AMDHD1: variants seen among roughly 807,000 people sequenced by gnomAD.
AMDHD1 encodes amidohydrolase domain containing 1.
A neutral mutation model predicts 44.1 loss-of-function variants in AMDHD1; 45 were observed. That is an observed-to-expected ratio of 1.02 (90% CI 0.80 to 1.31). The LOEUF (loss-of-function observed/expected upper bound fraction) is 1.31. AMDHD1 is among the 50% of genes most tolerant of loss of function. The pLI is 0.00. For synonymous variants in AMDHD1, 206 were observed against 205.0 expected (o/e 1.00, Z -0.04); for missense variants, 586 against 552.1 (o/e 1.06, Z -0.61).
chr12:95,954,835 A>G lies in AMDHD1; in HGVS notation c.245-76A>G, dbSNP rs140676259. 1.0e-4 allele frequency: 136 copies of G among 1,346,670 alleles called. No individual in the cohort carries two copies. The African/African-American group carries it at 1.9e-3, about 19-fold the overall frequency. 83.4% of individuals were successfully genotyped at this position (1,346,670 alleles called of 1,614,324 possible). ...CACACTTTCCCCAGAGCAGCAGGGTATAGTGCTGCTGTTTGCCTGCTGTCT... is the reference window on the plus strand; with the variant it reads ...CACACTTTCCCCAGAGCAGCAGGGTGTAGTGCTGCTGTTTGCCTGCTGTCT... On this transcript the variant is annotated intron_variant, in intron 2 of 8. Coordinates refer to ENST00000266736, the MANE Select transcript of AMDHD1 (RefSeq NM_152435.3).
At position 95,962,422 on chromosome 12, in the gene AMDHD1, C is replaced by G; in HGVS notation, c.881C>G (p.Ala294Gly). ...LEEVSDEGIV[A>G]MATARCSAIL... The stretch of plus-strand genomic sequence containing the variant: ...GAAGTGAGTGATGAAGGCATCGTTG[C>G]CATGGCAACGGCCAGGTGCTCTGCC... The change falls in exon 6 of 9, where the codon GCC (alanine) becomes GGC (glycine). Residue 294 changes from alanine (A) to glycine (G), a missense_variant. Ala to Gly is a moderately conservative substitution (Grantham distance 60). Coordinates refer to ENST00000266736, the MANE Select transcript of AMDHD1 (RefSeq NM_152435.3). 6.2e-7 allele frequency: 1 copy of G among 1,614,018 alleles called. No individual in the cohort carries two copies. Among genetic ancestry groups the G allele is most frequent in the East Asian group, 2.2e-5 (1 of 44,874 alleles).
rs150959861 is a variant in AMDHD1 at position 95,949,507 on chromosome 12, T to C, written c.138-3210T>C. ...AATAAAACCACATGTGCCTATTATT[T>C]GTATCCCCTAAAAAAGTATATGTGA... On this transcript the variant is annotated intron_variant, in intron 1 of 8. Transcript: ENST00000266736. Among the ~76,000 whole-genome samples, 210 of 152,308 alleles carry C rather than the reference T, an allele frequency of 1.4e-3. 4 individuals carry two copies. In the East Asian group the frequency reaches 0.015, roughly 11 times the overall value.
rs778460482 is a variant in AMDHD1 at position 95,967,886 on chromosome 12, C to A, written c.*43C>A. The A allele has an allele frequency of 3.9e-6, 5 of 1,271,650 alleles. No homozygotes were observed. The South Asian group carries it at 4.2e-5, about 11-fold the overall frequency. The allele number at this position is 1,271,650 out of a possible 1,614,324, so 78.8% of individuals were successfully genotyped here. A position where few individuals can be genotyped will look rare whatever the true frequency, so the allele number is the denominator to read the frequency against. ...GACTTTTTGACTATATGAAATAAGT[C>A]AATATAGTTATATTAAAAGTTAAAA... On this transcript the variant is annotated 3_prime_UTR_variant, in exon 9 of 9. Coordinates refer to ENST00000266736, the MANE Select transcript of AMDHD1 (RefSeq NM_152435.3).
At chr12:95,958,716 G>C (rs1462638564) in intron 4 of AMDHD1, among the ~76,000 whole-genome samples, 1 of 152,160 alleles carries the variant, frequency 6.6e-6, no homozygotes, top group Non-Finnish European at 1.5e-5. Context: ...CTGTGAAACA[G>C]AGCTAAATGC....
Position 95,944,428 on chromosome 12 carries a change from G to T in AMDHD1, c.137+893G>T, listed in dbSNP as rs1350720354. 2.0e-5 allele frequency among the ~76,000 whole-genome samples: 3 copies of T among 151,768 alleles called. No individual in the cohort carries two copies. In the South Asian group the frequency reaches 6.2e-4, roughly 32 times the overall value. Reference sequence around the variant, plus strand: ...CTATTTTTTGTTTTTTTGAGACAGGGTCTAGCTCTGTTGCCCAGGTTGGAG... The same window carrying T: ...CTATTTTTTGTTTTTTTGAGACAGGTTCTAGCTCTGTTGCCCAGGTTGGAG... On this transcript the variant is annotated intron_variant, in intron 1 of 8. Transcript: ENST00000266736.
chr12:95,946,059 CTCTGTGTGTGTGTG>C (rs2080494000), intron 1 of AMDHD1, among the ~76,000 whole-genome samples: 1 of 142,536 alleles, frequency 7.0e-6, no homozygotes. Context: ...CTCTCTTTCT[CTCTGTGTGTGTGTG>C]TGTGTGTGTG....
At chr12:95,946,277 G>A (rs1043446663) in intron 1 of AMDHD1, among the ~76,000 whole-genome samples, 16 of 152,082 alleles carry the variant, frequency 1.1e-4, no homozygotes, top group African/African-American at 3.6e-4. Context: ...CAGAGGAGGG[G>A]CAAAAATGGA....
chr12:95,967,715 C>G, intron 8 of AMDHD1, 41 bp from the exon 9 acceptor site: 1 of 1,397,580 alleles, frequency 7.2e-7, no homozygotes, highest in Admixed American at 2.4e-5. Flanking sequence ...TTTACTTGCA[C>G]ACATTGAAGT....
chr12:95,962,628 T>C lies in AMDHD1; in HGVS notation c.938+149T>C, dbSNP rs796218129. On this transcript the variant is annotated intron_variant, in intron 6 of 8. Transcript: ENST00000266736. ...ACTCAGCTAATGAAGATGCCAACCC[T>C]GGACTGATGTTCGTAAACGAATTTC... The C allele has an allele frequency of 4.1e-6, 4 of 966,448 alleles. No individual in the cohort carries two copies. The South Asian group carries it at 9.7e-5, about 23-fold the overall frequency. 59.9% of individuals were successfully genotyped at this position (966,448 alleles called of 1,614,324 possible).
In AMDHD1 at chr12:95,952,732, A is replaced by G. The variant is rs2080530580; in HGVS notation, c.153A>G (p.Lys51=). ...TTTTCTTCAGAGATGGATTTATAAA[A>G]GCTATTGGTCCTGCTGATGTTATTC... The part of the protein sequence containing the change: ...SLVVGKDGFI[K]AIGPADVIQR... The change falls in exon 2 of 9, where the codon AAA becomes AAG. Residue 51 remains lysine, a synonymous_variant. Coordinates refer to ENST00000266736, the MANE Select transcript of AMDHD1 (RefSeq NM_152435.3). The G allele has an allele frequency of 1.9e-6, 3 of 1,606,558 alleles. No individual in the cohort carries two copies. Among genetic ancestry groups the G allele is most frequent in the African/African-American group, 1.3e-5 (1 of 74,694 alleles).
chr12:95,963,653 T>A (rs997689588), intron 6 of AMDHD1, among the ~76,000 whole-genome samples: 2 of 152,198 alleles, frequency 1.3e-5, no homozygotes, highest in African/African-American at 4.8e-5. Flanking sequence ...ACATTTCAAG[T>A]GTCATCAGTC....
chr12:95,964,928 C>CAAAAAAAAAAA (rs60076877), intron 6 of AMDHD1, among the ~76,000 whole-genome samples: 2,081 of 35,628 alleles, frequency 0.058, 596 homozygotes, highest in East Asian at 0.07. Context: ...ATGTTTGAGG[C>CAAAAAAAAAAA]AAAAAAAAAA....
chr12:95,946,061 C>CTCTGTGTGTGTG (rs1403742643), intron 1 of AMDHD1, among the ~76,000 whole-genome samples: 18 of 122,484 alleles, frequency 1.5e-4, no homozygotes, highest in African/African-American at 4.0e-4. Context: ...CTCTTTCTCT[C>CTCTGTGTGTGTG]TGTGTGTGTG....
At chr12:95,948,610 A>G (rs2080512370) in intron 1 of AMDHD1, among the ~76,000 whole-genome samples, 1 of 81,108 alleles carries the variant, frequency 1.2e-5, no homozygotes, top group African/African-American at 5.3e-5. Context: ...CTGCCCAGCC[A>G]CCACCCCGTC....
Position 95,953,142 on chromosome 12 carries a change from G to T in AMDHD1, c.244+319G>T, listed in dbSNP as rs191298024. ...ACCTAGGAATCAAGCCCATTCATTC[G>T]ACTCCACTTCTTCCCACTCACATGC... On this transcript the variant is annotated intron_variant, in intron 2 of 8. Coordinates refer to ENST00000266736, the MANE Select transcript of AMDHD1 (RefSeq NM_152435.3). Among the ~76,000 whole-genome samples the T allele has an allele frequency of 1.9e-3, 288 of 152,260 alleles. 1 individual carries two copies. Among genetic ancestry groups the T allele is most frequent in the Non-Finnish European group, 2.4e-3 (166 of 68,026 alleles).
intron 1 of AMDHD1, among the ~76,000 whole-genome samples, chr12:95,950,767 C>T (rs2080522115): frequency 6.6e-6 from 1 of 152,078 alleles, no homozygotes; most frequent in African/African-American, 2.4e-5. Flanking sequence ...ACAATCTTAC[C>T]GGCTAGACCT....
chr12:95,952,849 T>C (rs746625126), intron 2 of AMDHD1, 26 bp downstream of exon 2: 1 of 1,392,828 alleles, frequency 7.2e-7, no homozygotes, highest in Non-Finnish European at 1.0e-6. Flanking sequence ...TCAGTAAAGG[T>C]CTACAAGTAG....
At chr12:95,946,745 T>C (rs1385040712) in intron 1 of AMDHD1, among the ~76,000 whole-genome samples, 3 of 32,732 alleles carry the variant, frequency 9.2e-5, no homozygotes, top group Non-Finnish European at 1.5e-4. Flanking sequence ...CCTGCCTCAG[T>C]CTGCCGAATG....
At chr12:95,967,147 T>G (rs1968486) in intron 8 of AMDHD1, among the ~76,000 whole-genome samples, 101,093 of 152,126 alleles carry the variant, frequency 0.66, 33,833 homozygotes, top group African/African-American at 0.74. Context: ...ATGGCAGCAG[T>G]CAAGAGAGCG....
Sources: allele counts gnomAD v4.1 joint callset (sites outside exome capture counted in the v4.1 genomes callset), GRCh38; gene constraint gnomAD v4.1.1; transcripts MANE v1.5; gene names NCBI Gene and HGNC (gene_info 2026-07-23, HGNC 2026-07-21).